BRINP3: variants seen among roughly 807,000 people sequenced by gnomAD.
The protein encoded by BRINP3 is BMP/retinoic acid inducible neural specific 3.
A neutral mutation model predicts 71.0 loss-of-function variants in BRINP3; 19 were observed. The observed-to-expected ratio is 0.27, with a 90% CI of 0.19 to 0.39. The LOEUF is 0.39. Among genes scored for constraint, BRINP3 ranks in the 10% least tolerant of loss-of-function variants. BRINP3 has a pLI of 1.00. For synonymous variants in BRINP3, 380 were observed against 337.7 expected (o/e 1.13, Z -1.37); for missense variants, 959 against 940.8 (o/e 1.02, Z -0.25).
intron 4 of BRINP3, among the ~76,000 whole-genome samples, chr1:190,243,747 T>G (rs1333165354): frequency 2.6e-5 from 4 of 152,138 alleles, no homozygotes; most frequent in Non-Finnish European, 5.9e-5. Context: ...CTGGCCTGAA[T>G]GCCACTTTTC....
intron 6 of BRINP3, among the ~76,000 whole-genome samples, chr1:190,165,098 A>C (rs1172657549): frequency 6.6e-6 from 1 of 152,124 alleles, no homozygotes; most frequent in Non-Finnish European, 1.5e-5. Context: ...AACGAAATAC[A>C]TAAAGGATGA....
At chr1:190,208,126 A>AT (rs1013793469) in intron 6 of BRINP3, among the ~76,000 whole-genome samples, 9 of 149,332 alleles carry the variant, frequency 6.0e-5, no homozygotes, top group East Asian at 2.0e-4. Context: ...TTTTTTTTTT[A>AT]TTTTTTTTAT....
intron 3 of BRINP3, among the ~76,000 whole-genome samples, chr1:190,265,828 C>T (rs1231825331): frequency 1.3e-5 from 2 of 152,014 alleles, no homozygotes; most frequent in Non-Finnish European, 2.9e-5. Context: ...TTCATCTGCA[C>T]CTTTAAAATT....
Position 190,110,503 on chromosome 1 carries a change from C to G in BRINP3, c.1185-11369G>C, listed in dbSNP as rs1419959746. 2.0e-5 allele frequency among the ~76,000 whole-genome samples: 3 copies of G among 152,182 alleles called. No individual in the cohort carries two copies. The East Asian group carries it at 5.8e-4, about 29-fold the overall frequency. On this transcript the variant is annotated intron_variant, in intron 7 of 7. Transcript: ENST00000367462. The stretch of plus-strand genomic sequence containing the variant: ...CACAAAGTAAGATGGGCATGTAACT[C>G]ATACTGGCATCTTGATATCATCATG...
intron 2 of BRINP3, among the ~76,000 whole-genome samples, chr1:190,328,833 G>A (rs1016993728): frequency 2.6e-5 from 4 of 151,604 alleles, no homozygotes; most frequent in African/African-American, 7.3e-5. Context: ...CAACAATCAA[G>A]CAGGCTTTAT....
At position 190,335,305 on chromosome 1, in the gene BRINP3, G is replaced by C. The variant is rs77736677; in HGVS notation, c.237-53555C>G. On this transcript the variant is annotated intron_variant, in intron 2 of 7. Transcript: ENST00000367462. ...AGGATATTTCTTCAGTCACTTACCC[G>C]ATAGAGGCTAAAGTTAAACTTTTAC... is the stretch of plus-strand genomic sequence containing the variant. Among the ~76,000 whole-genome samples the C allele has an allele frequency of 5.1e-3, 770 of 151,934 alleles. 7 individuals are homozygous for C. Among genetic ancestry groups the C allele is most frequent in the African/African-American group, 0.017 (722 of 41,520 alleles).
chr1:190,218,502 A>T (rs1211145576), intron 6 of BRINP3, among the ~76,000 whole-genome samples: 1 of 152,122 alleles, frequency 6.6e-6, no homozygotes, highest in African/African-American at 2.4e-5. Context: ...ATGTTATTAT[A>T]TATGTATATA....
intron 2 of BRINP3, among the ~76,000 whole-genome samples, chr1:190,429,757 A>C (rs897415872): frequency 6.6e-6 from 1 of 151,754 alleles, no homozygotes; most frequent in African/African-American, 2.4e-5. Context: ...TGCTTGGCTG[A>C]TTTTTGTATT....
At chr1:190,135,961 A>T (rs1475852138) in intron 7 of BRINP3, among the ~76,000 whole-genome samples, 1 of 152,092 alleles carries the variant, frequency 6.6e-6, no homozygotes, top group African/African-American at 2.4e-5. Flanking sequence ...CTTGTGGAAC[A>T]AAATTATCTT....
chr1:190,453,201 G>GTTTTTTTTTTTTT lies in BRINP3; in HGVS notation c.236+1453_236+1454insAAAAAAAAAAAAA, dbSNP rs745819844. Reference sequence around the variant, plus strand: ...CTACTTTTCAGAAAGAAAAACTTTAGTATTTTTTTTTTTTTTTTTTTTTTT... The same window carrying GTTTTTTTTTTTTT: ...CTACTTTTCAGAAAGAAAAACTTTAGTTTTTTTTTTTTTTATTTTTTTTTTTTTTTTTTTTTTT... On this transcript the variant is annotated intron_variant, in intron 2 of 7. Coordinates refer to ENST00000367462, the MANE Select transcript of BRINP3 (RefSeq NM_199051.3). 3.7e-4 allele frequency among the ~76,000 whole-genome samples: 14 copies of GTTTTTTTTTTTTT among 37,824 alleles called. 1 individual carries two copies. Among genetic ancestry groups the GTTTTTTTTTTTTT allele is most frequent in the Non-Finnish European group, 6.7e-4 (11 of 16,406 alleles). 24.8% of individuals were successfully genotyped at this position (37,824 alleles called of 152,430 possible).
chr1:190,145,446 C>A (rs1392902610), intron 7 of BRINP3, among the ~76,000 whole-genome samples: 1 of 152,128 alleles, frequency 6.6e-6, no homozygotes, highest in Admixed American at 6.6e-5. Flanking sequence ...CTCTTTTGAA[C>A]TGCTTTCTTT....
intron 1 of BRINP3, among the ~76,000 whole-genome samples, chr1:190,468,823 GT>G (rs1376383606): frequency 9.3e-5 from 14 of 150,908 alleles, no homozygotes; most frequent in African/African-American, 3.4e-4. Flanking sequence ...TTAAAAAGGT[GT>G]AAAAATTATT....
chr1:190,244,556 TC>T (rs1659409079), intron 4 of BRINP3, among the ~76,000 whole-genome samples: 1 of 152,018 alleles, frequency 6.6e-6, no homozygotes, highest in Non-Finnish European at 1.5e-5. Context: ...CCTATCACCA[TC>T]CTGGAAGACG....
intron 2 of BRINP3, among the ~76,000 whole-genome samples, chr1:190,349,177 C>T (rs912873393): frequency 6.6e-6 from 1 of 151,998 alleles, no homozygotes; most frequent in Non-Finnish European, 1.5e-5. Flanking sequence ...ATGACAGCTG[C>T]CTTAGTCTAG....
chr1:190,133,381 C>G (rs980683530), intron 7 of BRINP3, among the ~76,000 whole-genome samples: 4 of 151,946 alleles, frequency 2.6e-5, no homozygotes, highest in Non-Finnish European at 5.9e-5. Context: ...TGCATTATAA[C>G]TTAAGAATTT....
chr1:190,364,027 T>C (rs1019817913), intron 2 of BRINP3, among the ~76,000 whole-genome samples: 1 of 150,264 alleles, frequency 6.7e-6, no homozygotes, highest in Non-Finnish European at 1.5e-5. Flanking sequence ...TAGAGTACAC[T>C]TTTATGTGAA....
intron 2 of BRINP3, among the ~76,000 whole-genome samples, chr1:190,348,432 T>C (rs1263648549): frequency 2.6e-5 from 4 of 152,114 alleles, no homozygotes; most frequent in Non-Finnish European, 4.4e-5. Context: ...TCCAAATAAT[T>C]CAGGTCTGTG....
chr1:190,418,860 A>C (rs1673175405), intron 2 of BRINP3, among the ~76,000 whole-genome samples: 1 of 152,108 alleles, frequency 6.6e-6, no homozygotes, highest in Non-Finnish European at 1.5e-5. Flanking sequence ...CACTCATTGT[A>C]TTGTTTTCAA....
intron 6 of BRINP3, among the ~76,000 whole-genome samples, chr1:190,218,139 C>T (rs1282389046): frequency 6.6e-6 from 1 of 151,528 alleles, no homozygotes. Context: ...AGCCGGGCTC[C>T]TAGATAAAGA....
Sources: gnomAD v4.1 joint callset for allele counts (sites outside exome capture counted in the v4.1 genomes callset) on GRCh38, gnomAD v4.1.1 for gene constraint, MANE v1.5 for transcripts, NCBI Gene and HGNC (gene_info 2026-07-23, HGNC 2026-07-21) for gene names.